The following PRKCB variants were observed in gnomAD, a reference collection of about 807,000 sequenced individuals.
PRKCB encodes the protein protein kinase C beta, also known as protein kinase C beta type.
In PRKCB, 13 loss-of-function variants were observed where a neutral mutation model predicts 81.5. That is an observed-to-expected ratio of 0.16 (90% CI 0.10 to 0.25). The LOEUF is 0.25. Ranked by LOEUF, PRKCB falls within the 10% of genes least tolerant of loss-of-function variation. The pLI is 1.00. For synonymous variants in PRKCB, 335 were observed against 321.4 expected, an observed-to-expected ratio of 1.04 and a Z score of -0.45; for missense variants, 509 against 875.7, an observed-to-expected ratio of 0.58 and a Z score of 5.29.
intron 2 of PRKCB, among the ~76,000 whole-genome samples, chr16:23,871,478 G>A (rs1048333489): frequency 1.3e-5 from 2 of 152,054 alleles, no homozygotes; most frequent in South Asian, 2.1e-4. Flanking sequence ...GGCATTAGTC[G>A]GATCCTTCCC....
rs1968291856 is a variant in PRKCB at position 24,219,683 on chromosome 16, C to T, written c.*4867C>T. ...ACACACACACACACACACACACACACACACACACACACACACACACCACTT... is the reference window on the plus strand; with the variant it reads ...ACACACACACACACACACACACACATACACACACACACACACACACCACTT... On this transcript the variant is annotated 3_prime_UTR_variant, in exon 17 of 17. Coordinates refer to ENST00000643927, the MANE Select transcript of PRKCB (RefSeq NM_002738.7). 7.9e-7 allele frequency: 1 copy of T among 1,259,184 alleles called. No homozygotes were observed. The highest frequency in any genetic ancestry group is 3.6e-5 in the East Asian group (1 of 27,826). The allele number at this position is 1,259,184 out of a possible 1,614,324, so 78.0% of individuals were successfully genotyped here.
At chr16:24,010,943 C>T (rs1965195588) in intron 3 of PRKCB, among the ~76,000 whole-genome samples, 1 of 152,196 alleles carries the variant, frequency 6.6e-6, no homozygotes. Flanking sequence ...CGGCTCACTG[C>T]AGCCTCTGCT....
chr16:24,107,442 A>G (rs1277062318), intron 7 of PRKCB, among the ~76,000 whole-genome samples: 1 of 152,042 alleles, frequency 6.6e-6, no homozygotes, highest in African/African-American at 2.4e-5. Flanking sequence ...AGTCTTTTGT[A>G]TTTTTTGGAA....
At chr16:24,132,755 T>A (rs1966855152) in intron 9 of PRKCB, among the ~76,000 whole-genome samples, 4 of 148,942 alleles carry the variant, frequency 2.7e-5, no homozygotes. Flanking sequence ...TTGATTTAGA[T>A]GTGTATGATT....
intron 2 of PRKCB, among the ~76,000 whole-genome samples, chr16:23,876,708 A>C (rs1237264616): frequency 7.4e-6 from 1 of 135,254 alleles, no homozygotes; most frequent in Non-Finnish European, 1.6e-5. Flanking sequence ...AATGCAATTC[A>C]TCTGGGCCAG....
intron 16 of PRKCB, among the ~76,000 whole-genome samples, chr16:24,212,702 G>A (rs565930807): frequency 9.2e-5 from 14 of 151,942 alleles, no homozygotes; most frequent in African/African-American, 3.4e-4. Context: ...CATGACCTCA[G>A]GTGATCTGCC....
intron 3 of PRKCB, among the ~76,000 whole-genome samples, chr16:24,019,006 C>T (rs1965323869): frequency 6.6e-6 from 1 of 152,102 alleles, no homozygotes; most frequent in African/African-American, 2.4e-5. Context: ...ATGTGTTACT[C>T]ACGGTGGTAG....
chr16:23,899,257 TG>T (rs1005543055), intron 2 of PRKCB, among the ~76,000 whole-genome samples: 3 of 152,202 alleles, frequency 2.0e-5, no homozygotes, highest in Non-Finnish European at 4.4e-5. Context: ...GATCAGTGAT[TG>T]GCATTTGCAA....
At chr16:23,914,848 C>T (rs567043634) in intron 2 of PRKCB, among the ~76,000 whole-genome samples, 9 of 152,254 alleles carry the variant, frequency 5.9e-5, no homozygotes, top group African/African-American at 2.2e-4. Flanking sequence ...TGATGTCCAC[C>T]GTGCCTCAGC....
chr16:24,016,668 G>T (rs989931223), intron 3 of PRKCB, among the ~76,000 whole-genome samples: 5 of 151,660 alleles, frequency 3.3e-5, no homozygotes, highest in African/African-American at 4.9e-5. Flanking sequence ...CCCCAACTAA[G>T]AGAGTTTATG....
intron 3 of PRKCB, among the ~76,000 whole-genome samples, chr16:24,009,874 G>T (rs1184949914): frequency 1.3e-5 from 2 of 151,922 alleles, no homozygotes; most frequent in African/African-American, 4.8e-5. Flanking sequence ...AACTAGCCTG[G>T]CATGATGGTT....
intron 5 of PRKCB, among the ~76,000 whole-genome samples, chr16:24,066,243 T>C (rs1255007961): frequency 6.6e-6 from 1 of 152,150 alleles, no homozygotes; most frequent in Non-Finnish European, 1.5e-5. Flanking sequence ...TTTGATTATA[T>C]GTATGTTAGA....
At chr16:23,889,643 G>T (rs1052913656) in intron 2 of PRKCB, among the ~76,000 whole-genome samples, 7 of 152,248 alleles carry the variant, frequency 4.6e-5, no homozygotes, top group Non-Finnish European at 8.8e-5. Flanking sequence ...TCACTTTTAT[G>T]CTGGGACATG....
In PRKCB at chr16:24,206,801, T is replaced by C. The variant is rs146565640; in HGVS notation, c.1864-7857T>C. ...TAAGCTCAACGGGGACAAGAACAGG[T>C]ACCCTCTTATGTATCGCCAGAGTCC... On this transcript the variant is annotated intron_variant, in intron 16 of 16. Coordinates refer to ENST00000643927, the MANE Select transcript of PRKCB (RefSeq NM_002738.7). Among the ~76,000 whole-genome samples the C allele has an allele frequency of 4.2e-4, 64 of 152,334 alleles. 2 individuals carry two copies. The Middle Eastern group carries it at 0.01, about 24-fold the overall frequency.
chr16:24,068,232 C>T (rs1370276155), intron 5 of PRKCB, among the ~76,000 whole-genome samples: 1 of 152,158 alleles, frequency 6.6e-6, no homozygotes, highest in African/African-American at 2.4e-5. Context: ...TTTTGTGTCT[C>T]AACCTCTGCA....
At chr16:24,092,107 A>G (rs1479115702) in intron 5 of PRKCB, among the ~76,000 whole-genome samples, 1 of 152,212 alleles carries the variant, frequency 6.6e-6, no homozygotes, top group African/African-American at 2.4e-5. Flanking sequence ...CATCATCTCT[A>G]TCTAGTTCTC....
chr16:24,002,328 CGTGT>C (rs1007221272), intron 3 of PRKCB, among the ~76,000 whole-genome samples: 13 of 54,748 alleles, frequency 2.4e-4, no homozygotes, highest in Admixed American at 5.1e-4. Flanking sequence ...TGTGTGCGTG[CGTGT>C]GTGTGTGTGC....
chr16:23,949,765 GTAGTTCCACCCAGTACTAGGAAGAT>G (rs1159641650), intron 2 of PRKCB, among the ~76,000 whole-genome samples: 1 of 152,178 alleles, frequency 6.6e-6, no homozygotes, highest in African/African-American at 2.4e-5. Flanking sequence ...TGAGGTGGTG[GTAGTTCCACCCAGTACTAGGAAGAT>G]AACATTCTTA....
chr16:24,136,367 A>G (rs979011947), intron 9 of PRKCB, among the ~76,000 whole-genome samples: 2 of 152,202 alleles, frequency 1.3e-5, no homozygotes, highest in Admixed American at 1.3e-4. Context: ...CAGAGTGAGT[A>G]AAGCGGGTAT....
Sources: gnomAD v4.1 joint callset for allele counts (sites outside exome capture counted in the v4.1 genomes callset) on GRCh38, gnomAD v4.1.1 for gene constraint, MANE v1.5 for transcripts, NCBI Gene and HGNC (gene_info 2026-07-23, HGNC 2026-07-21) for gene names.